ATP1B3: variants seen among roughly 807,000 people sequenced by gnomAD.
ATP1B3 encodes ATPase Na+/K+ transporting subunit beta 3, also known as sodium/potassium-transporting ATPase subunit beta-3.
ATP1B3 carries 10 observed loss-of-function variants against 30.2 expected under a neutral mutation model. The observed-to-expected ratio is 0.33, with a 90% confidence interval of 0.20 to 0.56. The LOEUF is 0.56. ATP1B3 is among the 20% of genes least tolerant of loss of function. The pLI is 0.90. For synonymous variants in ATP1B3, 113 were observed against 117.0 expected (o/e 0.97, Z 0.22); for missense variants, 238 against 336.7 (o/e 0.71, Z 2.29).
At chr3:141,909,921 G>A (rs1322332463) in intron 3 of ATP1B3, among the ~76,000 whole-genome samples, 1 of 152,152 alleles carries the variant, frequency 6.6e-6, no homozygotes, top group African/African-American at 2.4e-5. Flanking sequence ...GCTTGGCAAG[G>A]GAGAGAGCAA....
At chr3:141,898,735 A>G (rs1934112802) in intron 1 of ATP1B3, among the ~76,000 whole-genome samples, 1 of 152,264 alleles carries the variant, frequency 6.6e-6, no homozygotes. Context: ...ACTCCCAGGT[A>G]TATACCCAAG....
At chr3:141,890,125 C>T (rs1258875005) in intron 1 of ATP1B3, among the ~76,000 whole-genome samples, 2 of 121,660 alleles carry the variant, frequency 1.6e-5, no homozygotes, top group South Asian at 2.7e-4. Flanking sequence ...GAGTGTGGCT[C>T]GGTCACCCTG....
chr3:141,911,520 A>G (rs1290545668), intron 3 of ATP1B3, among the ~76,000 whole-genome samples: 1 of 143,210 alleles, frequency 7.0e-6, no homozygotes, highest in Non-Finnish European at 1.5e-5. Flanking sequence ...TCATTGAGAC[A>G]GTCTTACTCT....
intron 1 of ATP1B3, among the ~76,000 whole-genome samples, chr3:141,888,230 A>G (rs1174923849): frequency 6.6e-6 from 1 of 152,130 alleles, no homozygotes; most frequent in Non-Finnish European, 1.5e-5. Context: ...AAACATTCCT[A>G]ATTGAGTGTT....
chr3:141,902,012 A>G, intron 1 of ATP1B3: 2 of 652,970 alleles, frequency 3.1e-6, no homozygotes, highest in Middle Eastern at 3.0e-4. Flanking sequence ...GCAGACACCT[A>G]GATCTCAAAG....
Position 141,892,651 on chromosome 3 carries a change from C to CAAAA in ATP1B3, c.110-10947_110-10944dup, listed in dbSNP as rs386398103. The stretch of plus-strand genomic sequence containing the variant: ...AGCCTGGGTGACAGTGAGACTGTCT[C>CAAAA]AAAAAAAAAAAAAAAAAAAAAAAAA... On this transcript the variant is annotated intron_variant, in intron 1 of 6. Coordinates refer to ENST00000286371, the MANE Select transcript of ATP1B3 (RefSeq NM_001679.4). Among the ~76,000 whole-genome samples, 93 of 70,002 alleles carry CAAAA rather than the reference C, an allele frequency of 1.3e-3. 3 individuals carry two copies. The highest frequency in any genetic ancestry group is 4.3e-3 in the East Asian group (9 of 2,116). 45.9% of individuals were successfully genotyped at this position (70,002 alleles called of 152,430 possible). A position where few individuals can be genotyped will look rare whatever the true frequency, so the allele number is the denominator to read the frequency against.
chr3:141,900,100 A>G (rs1934134395), intron 1 of ATP1B3, among the ~76,000 whole-genome samples: 1 of 151,778 alleles, frequency 6.6e-6, no homozygotes, highest in Non-Finnish European at 1.5e-5. Context: ...AAGACCCTGG[A>G]ATTTGAGTAG....
chr3:141,902,131 A>G, intron 1 of ATP1B3: 1 of 1,289,596 alleles, frequency 7.8e-7, no homozygotes, highest in Non-Finnish European at 1.0e-6. Context: ...CTTTTTCTGC[A>G]ACAGGATCGC....
At chr3:141,895,356 T>C (rs1338162986) in intron 1 of ATP1B3, among the ~76,000 whole-genome samples, 2 of 151,846 alleles carry the variant, frequency 1.3e-5, no homozygotes, top group African/African-American at 4.8e-5. Flanking sequence ...GCCTGGCTAA[T>C]TTTTTGTATT....
At chr3:141,881,309 G>A (rs1460082743) in intron 1 of ATP1B3, among the ~76,000 whole-genome samples, 1 of 152,036 alleles carries the variant, frequency 6.6e-6, no homozygotes, top group African/African-American at 2.4e-5. Context: ...TATTAAGGTG[G>A]TCTGTCAGTA....
rs180879146 is a variant in ATP1B3 at position 141,899,214 on chromosome 3, G to A, written c.110-4406G>A. Among the ~76,000 whole-genome samples the A allele has an allele frequency of 4.9e-3, 743 of 152,150 alleles. 1 individual carries two copies. The highest frequency in any genetic ancestry group is 0.01 in the Middle Eastern group (3 of 294). On this transcript the variant is annotated intron_variant, in intron 1 of 6. Coordinates refer to ENST00000286371, the MANE Select transcript of ATP1B3 (RefSeq NM_001679.4). ...CACTTTACATATGTGAATGGTATGC[G>A]AATAATATTGTTAAAAATCAGTATT... is the stretch of plus-strand genomic sequence containing the variant.
At chr3:141,912,314 G>A (rs150713381) in intron 3 of ATP1B3, among the ~76,000 whole-genome samples, 4,934 of 151,868 alleles carry the variant, frequency 0.032, 120 homozygotes, top group Non-Finnish European at 0.046. Flanking sequence ...TCACTGTGTC[G>A]CCCAGGCTGG....
At chr3:141,897,522 G>A (rs1452989340) in intron 1 of ATP1B3, among the ~76,000 whole-genome samples, 1 of 152,148 alleles carries the variant, frequency 6.6e-6, no homozygotes, top group African/African-American at 2.4e-5. Context: ...TGGGAGAGCA[G>A]GCCAGACATG....
At chr3:141,903,852 G>A in intron 2 of ATP1B3, 104 bp downstream of exon 2, 2 of 1,358,468 alleles carry the variant, frequency 1.5e-6, no homozygotes, top group Non-Finnish European at 2.0e-6. Flanking sequence ...CATGATCTTG[G>A]GTCACTGCAA....
chr3:141,908,671 A>T (rs1306798323), intron 3 of ATP1B3, among the ~76,000 whole-genome samples: 1 of 152,174 alleles, frequency 6.6e-6, no homozygotes, highest in Non-Finnish European at 1.5e-5. Context: ...CCTCAAATGG[A>T]CTTGCTTAAC....
intron 1 of ATP1B3, among the ~76,000 whole-genome samples, chr3:141,885,697 C>G (rs1050094455): frequency 6.6e-4 from 100 of 152,252 alleles, no homozygotes; most frequent in African/African-American, 2.2e-3. Context: ...ATCTGTCTGC[C>G]TCAGCCTCCC....
At chr3:141,922,585 G>A (rs1389480104) in intron 6 of ATP1B3, among the ~76,000 whole-genome samples, 5 of 151,596 alleles carry the variant, frequency 3.3e-5, no homozygotes, top group East Asian at 2.0e-4. Context: ...CCCAGGAGGT[G>A]GAGGTTGCAG....
Position 141,876,664 on chromosome 3 carries a change from T to C in ATP1B3, c.-138T>C. 3 of 540,898 alleles carry C rather than the reference T, an allele frequency of 5.5e-6. 1 individual carries two copies. Among genetic ancestry groups the C allele is most frequent in the Non-Finnish European group, 9.5e-6 (3 of 315,848 alleles). The allele number at this position is 540,898 out of a possible 1,614,324, so 33.5% of individuals were successfully genotyped here. A position where few individuals can be genotyped will look rare whatever the true frequency, so the allele number is the denominator to read the frequency against. On this transcript the variant is annotated 5_prime_UTR_variant, in exon 1 of 7. Coordinates refer to ENST00000286371, the MANE Select transcript of ATP1B3 (RefSeq NM_001679.4). Reference sequence around the variant, plus strand: ...GCGCAGTCGGCTCGAGTACTCCCCGTAACGAGGAGGTGTTCTCGGCCGTCC... The same window carrying C: ...GCGCAGTCGGCTCGAGTACTCCCCGCAACGAGGAGGTGTTCTCGGCCGTCC...
chr3:141,912,608 C>T (rs1454003185), intron 3 of ATP1B3, among the ~76,000 whole-genome samples: 1 of 152,156 alleles, frequency 6.6e-6, no homozygotes, highest in East Asian at 1.9e-4. Flanking sequence ...GTACCAATTG[C>T]ACCCACACAC....
Sources: gnomAD v4.1 joint callset for allele counts (sites outside exome capture counted in the v4.1 genomes callset) on GRCh38, gnomAD v4.1.1 for gene constraint, MANE v1.5 for transcripts, NCBI Gene and HGNC (gene_info 2026-07-23, HGNC 2026-07-21) for gene names.